The following CASD1 variants were observed in gnomAD, a reference collection of about 807,000 sequenced individuals.
CASD1 encodes the protein CAS1 domain sialic acid O acetyltransferase 1, also known as N-acetylneuraminate (7)9-O-acetyltransferase.
A neutral mutation model predicts 100.0 loss-of-function variants in CASD1; 41 were observed. The ratio of observed to expected loss-of-function variants is 0.41; its 90% CI spans 0.32 to 0.53. The LOEUF (loss-of-function observed/expected upper bound fraction) is 0.53. Among genes scored for constraint, CASD1 ranks in the 20% least tolerant of loss-of-function variants. CASD1 has a pLI of 0.25. For synonymous variants in CASD1, 321 were observed against 315.6 expected, an observed-to-expected ratio of 1.02 and a Z score of -0.18; for missense variants, 774 against 948.7, an observed-to-expected ratio of 0.82 and a Z score of 2.42.
At chr7:94,623,379 G>T in the CASD1 span, 1 of 1,602,264 alleles carries the variant, frequency 6.2e-7, no homozygotes, top group Non-Finnish European at 8.5e-7. Context: ...TCAAAGGTGC[G>T]CCTGTTGTAG....
the CASD1 span, among the ~76,000 whole-genome samples, chr7:94,575,823 T>C: frequency 6.6e-6 from 1 of 152,242 alleles, no homozygotes; most frequent in East Asian, 1.9e-4. Context: ...CTTGCCTACA[T>C]GGTTTCTGAT....
the CASD1 span, chr7:94,599,229 A>C: frequency 2.9e-6 from 1 of 348,482 alleles, no homozygotes; most frequent in Non-Finnish European, 5.1e-6. Flanking sequence ...TACTGTCCTA[A>C]GTAACCAACT....
the CASD1 span, among the ~76,000 whole-genome samples, chr7:94,607,516 A>C: frequency 3.9e-5 from 6 of 152,194 alleles, no homozygotes; most frequent in Non-Finnish European, 8.8e-5. Flanking sequence ...AAATCAGTTA[A>C]TATCACATCA....
the CASD1 span, among the ~76,000 whole-genome samples, chr7:94,571,692 C>T: frequency 7.2e-5 from 11 of 152,138 alleles, no homozygotes; most frequent in African/African-American, 2.6e-4. Context: ...GAAGATATGC[C>T]TGGTTTGCTT....
the CASD1 span, chr7:94,603,536 C>T: frequency 1.5e-6 from 2 of 1,333,588 alleles, no homozygotes; most frequent in Non-Finnish European, 2.1e-6. Flanking sequence ...CAGGATTTAG[C>T]CTTTTGAATT....
At chr7:94,617,825 T>C in the CASD1 span, 1 of 152,200 alleles carries the variant, frequency 6.6e-6, no homozygotes, top group African/African-American at 2.4e-5. Context: ...GTGTACATAG[T>C]TCTCCTTTAA....
At chr7:94,519,329 G>C (rs189479588) in intron 3 of CASD1, among the ~76,000 whole-genome samples, 12 of 152,114 alleles carry the variant, frequency 7.9e-5, no homozygotes, top group African/African-American at 4.8e-5. Flanking sequence ...AATAGCAAAG[G>C]GGGGAAAGTC....
Position 94,549,550 on chromosome 7 carries a change from C to A in CASD1, c.1731C>A (p.Ile577=), listed in dbSNP as rs771114077. The A allele has an allele frequency of 1.9e-6, 3 of 1,608,784 alleles. No homozygotes were observed. The South Asian group carries it at 3.3e-5, about 18-fold the overall frequency. Residue 577 remains isoleucine (I), a synonymous_variant, in exon 14 of 18, where the codon ATC becomes ATA. Coordinates refer to ENST00000297273, the MANE Select transcript of CASD1 (RefSeq NM_022900.5). ...LAYSQGAFEK[I]FSLWPLSKCF... ...TTTTTCAGGGTGCATTTGAGAAGAT[C>A]TTTTCTCTTTGGCCATTGTCCAAGT...
the CASD1 span, among the ~76,000 whole-genome samples, chr7:94,580,777 T>G: frequency 6.6e-6 from 1 of 152,264 alleles, no homozygotes; most frequent in Admixed American, 6.5e-5. Context: ...ATACTTGGAA[T>G]ACTTCTTCGC....
the CASD1 span, chr7:94,629,655 A>G: frequency 7.1e-7 from 1 of 1,413,742 alleles, no homozygotes; most frequent in Admixed American, 1.7e-5. Context: ...ATATGTCTAT[A>G]TTATGCAAAT....
At chr7:94,539,110 G>A (rs1292470457) in intron 10 of CASD1, 54 bp downstream of exon 10, 3 of 1,046,674 alleles carry the variant, frequency 2.9e-6, no homozygotes, top group South Asian at 1.4e-5. Context: ...TCATTTTAAT[G>A]TTTCTTTAAG....
chr7:94,528,181 C>G lies in CASD1; in HGVS notation c.397-7C>G, dbSNP rs368247868. The G allele has an allele frequency of 9.0e-4, 1,439 of 1,593,512 alleles. 1 individual carries two copies. The highest frequency in any genetic ancestry group is 1.1e-3 in the Non-Finnish European group (1,282 of 1,165,822). On this transcript the variant is annotated splice_polypyrimidine_tract_variant and splice_region_variant and intron_variant, in intron 4 of 17. Transcript: ENST00000297273. ...CTTTTTCTTTACTTCTAACATTTCTCTTTTAGGATTTTCTGTGGCATCCTG... is the reference window on the plus strand; with the variant it reads ...CTTTTTCTTTACTTCTAACATTTCTGTTTTAGGATTTTCTGTGGCATCCTG...
intron 1 of CASD1, among the ~76,000 whole-genome samples, chr7:94,517,256 A>G (rs1794024935): frequency 6.6e-6 from 1 of 152,156 alleles, no homozygotes; most frequent in Non-Finnish European, 1.5e-5. Flanking sequence ...TCAGATGTAA[A>G]GGCTAATTTA....
At chr7:94,534,999 C>T (rs144149401) in intron 7 of CASD1, among the ~76,000 whole-genome samples, 52 of 152,258 alleles carry the variant, frequency 3.4e-4, no homozygotes, top group Middle Eastern at 6.8e-3. Context: ...TATAACTCAG[C>T]ATCCAAAAAT....
At chr7:94,552,493 A>C in intron 16 of CASD1, 66 bp downstream of exon 16, 1 of 1,246,002 alleles carries the variant, frequency 8.0e-7, no homozygotes, top group Non-Finnish European at 1.1e-6. Context: ...TTTTAGAGGC[A>C]GAGAGATTTG....
chr7:94,543,407 A>G (rs1795516441), intron 10 of CASD1, among the ~76,000 whole-genome samples: 1 of 152,162 alleles, frequency 6.6e-6, no homozygotes, highest in South Asian at 2.1e-4. Flanking sequence ...TAATCTCAGC[A>G]CTTTGGGAGG....
chr7:94,516,354 T>C (rs1793977405), intron 1 of CASD1, among the ~76,000 whole-genome samples: 1 of 152,180 alleles, frequency 6.6e-6, no homozygotes, highest in Admixed American at 6.5e-5. Context: ...GTATCACCTT[T>C]TGTCTGTATT....
the CASD1 span, chr7:94,623,862 C>CA: frequency 8.5e-6 from 3 of 354,740 alleles, no homozygotes; most frequent in African/African-American, 4.2e-5. Flanking sequence ...CCCAATCAGT[C>CA]AAAAAATGTC....
chr7:94,586,205 A>G, the CASD1 span, among the ~76,000 whole-genome samples: 1 of 152,104 alleles, frequency 6.6e-6, no homozygotes, highest in African/African-American at 2.4e-5. Context: ...AAGAAAACTG[A>G]CATGTGCATA....
Sources: allele counts gnomAD v4.1 joint callset (sites outside exome capture counted in the v4.1 genomes callset), GRCh38; gene constraint gnomAD v4.1.1; transcripts MANE v1.5; gene names NCBI Gene and HGNC (gene_info 2026-07-23, HGNC 2026-07-21).